LRRFIP1: variants seen among roughly 807,000 people sequenced by gnomAD.
LRRFIP1 encodes the protein leucine-rich repeat flightless-interacting protein 1.
LRRFIP1 carries 62 observed loss-of-function variants against 104.4 expected under a neutral mutation model. That is an observed-to-expected ratio of 0.59 (90% CI 0.48 to 0.73). The LOEUF is 0.73. Among genes scored for constraint, LRRFIP1 ranks in the 30% least tolerant of loss-of-function variants. The probability of loss-of-function intolerance (pLI) is 0.00; values close to 1 mark genes in which losing one functional copy is unlikely to be tolerated. For missense variants in LRRFIP1, 796 were observed against 824.5 expected (o/e 0.97, Z 0.42); for synonymous variants, 300 against 299.0 (o/e 1.00, Z -0.03).
chr2:237,640,320 A>G (rs975074618), intron 1 of LRRFIP1, among the ~76,000 whole-genome samples: 1 of 151,844 alleles, frequency 6.6e-6, no homozygotes, highest in South Asian at 2.1e-4. Flanking sequence ...CGTCTATAAC[A>G]AGATACCACA....
rs1001007181 is a variant in LRRFIP1, at chr2:237,748,549, G to A, written c.669+150G>A. The stretch of plus-strand genomic sequence containing the variant: ...CCACCTAACCTGGTATCACCTTCCC[G>A]GAGGTAGGCCACCGGGAGTCCTGTC... On this transcript the variant is annotated intron_variant, in intron 12 of 23. Transcript: ENST00000308482. The A allele has an allele frequency of 6.2e-5, 43 of 688,712 alleles. No individual in the cohort carries two copies. In the East Asian group the frequency reaches 8.3e-4, roughly 13 times the overall value. 42.7% of individuals were successfully genotyped at this position (688,712 alleles called of 1,614,324 possible).
intron 19 of LRRFIP1, chr2:237,765,312 T>A: frequency 4.6e-6 from 1 of 217,536 alleles, no homozygotes; most frequent in Non-Finnish European, 7.7e-6. Flanking sequence ...TTTTCACGCC[T>A]GTAAACCTAG....
At chr2:237,705,568 G>A (rs944203360) in intron 1 of LRRFIP1, among the ~76,000 whole-genome samples, 1 of 152,088 alleles carries the variant, frequency 6.6e-6, no homozygotes, top group African/African-American at 2.4e-5. Flanking sequence ...GGAGGCCGAG[G>A]TGGGAGAATC....
intron 23 of LRRFIP1, among the ~76,000 whole-genome samples, chr2:237,779,004 A>G (rs2061328109): frequency 1.3e-5 from 2 of 152,108 alleles, no homozygotes; most frequent in Admixed American, 1.3e-4. Context: ...CGGACAGATC[A>G]CGAGGTCAGG....
chr2:237,759,732 T>G (rs2059665400), intron 18 of LRRFIP1, among the ~76,000 whole-genome samples: 1 of 152,220 alleles, frequency 6.6e-6, no homozygotes, highest in Non-Finnish European at 1.5e-5. Context: ...GAAAGGTCAC[T>G]TGGCAGTGAC....
rs975773642 is a variant in LRRFIP1 at position 237,631,621 on chromosome 2, A to G, written c.96+3881A>G. Among the ~76,000 whole-genome samples the G allele has an allele frequency of 4.6e-5, 7 of 152,286 alleles. No individual in the cohort carries two copies. In the South Asian group the frequency reaches 8.3e-4, roughly 18 times the overall value. On this transcript the variant is annotated intron_variant, in intron 1 of 23. Coordinates refer to ENST00000308482, the MANE Select transcript of LRRFIP1 (RefSeq NM_001137550.2). Reference sequence around the variant, plus strand: ...CCACTTCTGGGGAGGGGTGTTTCCAACGCAGATAGATTTTCCTCTCCTACC... The same window carrying G: ...CCACTTCTGGGGAGGGGTGTTTCCAGCGCAGATAGATTTTCCTCTCCTACC...
intron 11 of LRRFIP1, among the ~76,000 whole-genome samples, chr2:237,741,928 G>A (rs2057144406): frequency 6.6e-6 from 1 of 152,100 alleles, no homozygotes; most frequent in African/African-American, 2.4e-5. Flanking sequence ...TCCCAAACAC[G>A]CTTAATGCCC....
intron 1 of LRRFIP1, among the ~76,000 whole-genome samples, chr2:237,638,056 G>A (rs2083346929): frequency 1.3e-5 from 2 of 152,144 alleles, no homozygotes; most frequent in South Asian, 4.1e-4. Flanking sequence ...ACCAGGGTGT[G>A]GGGATGGTTT....
intron 2 of LRRFIP1, among the ~76,000 whole-genome samples, chr2:237,709,745 C>G (rs901073840): frequency 1.3e-5 from 2 of 152,304 alleles, no homozygotes; most frequent in East Asian, 1.9e-4. Context: ...TGTCACCAAG[C>G]CCTGGAACCA....
intron 19 of LRRFIP1, chr2:237,763,866 C>G: frequency 1.2e-6 from 2 of 1,614,214 alleles, no homozygotes; most frequent in Non-Finnish European, 1.7e-6. Flanking sequence ...CCTGCAGAAC[C>G]AAAGAGCGAA....
In LRRFIP1 at chr2:237,764,603, T is replaced by A. The variant is rs538290243; in HGVS notation, c.1459+4398T>A. ...ATATGTGTACTTTCATATTTGATTT[T>A]AAAATGTACATTATAACCTGTATGG... On this transcript the variant is annotated intron_variant, in intron 19 of 23. Coordinates refer to ENST00000308482, the MANE Select transcript of LRRFIP1 (RefSeq NM_001137550.2). 7.0e-6 allele frequency: 7 copies of A among 996,750 alleles called. No individual in the cohort carries two copies. The South Asian group carries it at 1.3e-4, about 19-fold the overall frequency. 61.7% of individuals were successfully genotyped at this position (996,750 alleles called of 1,614,324 possible).
At chr2:237,720,529 C>T (rs1165634269) in intron 5 of LRRFIP1, among the ~76,000 whole-genome samples, 1 of 152,204 alleles carries the variant, frequency 6.6e-6, no homozygotes, top group African/African-American at 2.4e-5. Context: ...GGATTACAGG[C>T]ATGACACCAC....
intron 22 of LRRFIP1, chr2:237,773,749 C>A (rs2060850089): frequency 6.6e-6 from 1 of 152,400 alleles, no homozygotes; most frequent in East Asian, 1.9e-4. Flanking sequence ...AGGACTGTTT[C>A]CCCCTCCATT....
rs1185253049 is a variant in LRRFIP1 at position 237,691,091 on chromosome 2, C to T, written c.97-17453C>T. Among the ~76,000 whole-genome samples the T allele has an allele frequency of 6.6e-6, 1 of 151,664 alleles. No homozygotes were observed. The highest frequency in any genetic ancestry group is 2.4e-5 in the African/African-American group (1 of 40,958). ...GCGGGAAGGTGAGTGCTCACAGGCG[C>T]GAGCTCACGTTACCAAGTTGGGTCA... On this transcript the variant is annotated intron_variant, in intron 1 of 23. Coordinates refer to ENST00000308482, the MANE Select transcript of LRRFIP1 (RefSeq NM_001137550.2). The surrounding 1 kb of genome is among the most constrained non-coding windows in gnomAD (Gnocchi z 5.4).
intron 20 of LRRFIP1, 155 bp from the exon 21 acceptor site, chr2:237,771,926 G>A (rs2060682384): frequency 1.7e-6 from 1 of 599,280 alleles, no homozygotes; most frequent in Non-Finnish European, 3.0e-6. Flanking sequence ...TTCATTCATT[G>A]TACATTGAAT....
At chr2:237,752,026 A>G (rs992726932) in intron 14 of LRRFIP1, among the ~76,000 whole-genome samples, 2 of 152,224 alleles carry the variant, frequency 1.3e-5, no homozygotes, top group Non-Finnish European at 2.9e-5. Flanking sequence ...AGGAGGTGAC[A>G]TCGATCATGA....
chr2:237,777,628 G>C (rs1420116386), intron 23 of LRRFIP1, among the ~76,000 whole-genome samples: 1 of 151,796 alleles, frequency 6.6e-6, no homozygotes, highest in African/African-American at 2.4e-5. Flanking sequence ...TTCAGGTTCT[G>C]TTTGTCTTTG....
At chr2:237,629,125 T>TA (rs1357841429) in intron 1 of LRRFIP1, among the ~76,000 whole-genome samples, 1 of 152,248 alleles carries the variant, frequency 6.6e-6, no homozygotes, top group East Asian at 1.9e-4. Flanking sequence ...GGAAATATCT[T>TA]ACTTTTGTAT....
At chr2:237,708,928 G>T (rs1354926241) in intron 2 of LRRFIP1, 2 of 524,780 alleles carry the variant, frequency 3.8e-6, no homozygotes, top group Non-Finnish European at 7.3e-6. Context: ...GAGCTTTAAG[G>T]TCTAACTGTT....
Sources: allele counts gnomAD v4.1 joint callset (sites outside exome capture counted in the v4.1 genomes callset), GRCh38; gene constraint gnomAD v4.1.1; non-coding constraint Gnocchi (gnomAD v3.1); transcripts MANE v1.5; gene names NCBI Gene and HGNC (gene_info 2026-07-23, HGNC 2026-07-21).